Variants in CAST observed in about 807,000 individuals in gnomAD.
CAST encodes the protein MIR583 host.
In CAST, 76 loss-of-function variants were observed where a neutral mutation model predicts 119.6. That is an observed-to-expected ratio of 0.64 (90% confidence interval 0.53 to 0.77). CAST has a LOEUF of 0.77. CAST is among the 30% of genes least tolerant of loss of function. CAST has a pLI of 0.00. For missense variants in CAST, 953 were observed against 946.5 expected (o/e 1.01, Z -0.09); for synonymous variants, 319 against 331.6 (o/e 0.96, Z 0.41).
chr5:96,586,032 A>G (rs941365445), intron 1 of CAST, among the ~76,000 whole-genome samples: 4 of 152,218 alleles, frequency 2.6e-5, no homozygotes, highest in Non-Finnish European at 5.9e-5. Flanking sequence ...TTTATGTGTC[A>G]GGCTCTATTC....
chr5:96,227,281 AT>A, the CAST span, among the ~76,000 whole-genome samples: 1 of 152,178 alleles, frequency 6.6e-6, no homozygotes, highest in Admixed American at 6.5e-5. Flanking sequence ...AATTCTTTGG[AT>A]TTTTTTAAAA....
intron 1 of CAST, among the ~76,000 whole-genome samples, chr5:96,623,894 T>A (rs1747666735): frequency 6.6e-6 from 1 of 151,918 alleles, no homozygotes; most frequent in Non-Finnish European, 1.5e-5. Context: ...AGATGAGATC[T>A]TGCCATGTTG....
chr5:96,379,902 G>A, the CAST span, among the ~76,000 whole-genome samples: 2 of 152,202 alleles, frequency 1.3e-5, no homozygotes, highest in Non-Finnish European at 2.9e-5. Flanking sequence ...CTGAGTGCCA[G>A]TGCCAGGATT....
intron 1 of CAST, among the ~76,000 whole-genome samples, chr5:96,576,011 T>C (rs541259978): frequency 5.3e-5 from 8 of 152,240 alleles, no homozygotes; most frequent in East Asian, 1.9e-4. Flanking sequence ...TGGTTGATTA[T>C]ACTGATTGAT....
chr5:96,187,908 T>G, the CAST span, among the ~76,000 whole-genome samples: 3 of 152,204 alleles, frequency 2.0e-5, no homozygotes, highest in African/African-American at 7.2e-5. Context: ...TGTGGGAATC[T>G]TAGCAGCTTA....
chr5:96,252,885 T>G, the CAST span, among the ~76,000 whole-genome samples: 3 of 152,138 alleles, frequency 2.0e-5, no homozygotes, highest in African/African-American at 7.2e-5. Context: ...TAAAATTTAG[T>G]GGTAACAGAA....
the CAST span, among the ~76,000 whole-genome samples, chr5:96,293,299 A>G: frequency 6.6e-6 from 1 of 152,296 alleles, no homozygotes; most frequent in East Asian, 1.9e-4. Context: ...TTGTTTTGAG[A>G]CAGAGTTTCA....
chr5:96,584,870 C>T (rs1746831513), intron 1 of CAST: 1 of 152,324 alleles, frequency 6.6e-6, no homozygotes. Flanking sequence ...CGAAAATGCA[C>T]TGCTGGGTGA....
intron 1 of CAST, among the ~76,000 whole-genome samples, chr5:96,594,646 A>G (rs1013912316): frequency 9.9e-5 from 15 of 152,236 alleles, no homozygotes; most frequent in African/African-American, 3.1e-4. Flanking sequence ...GAATTTTCAA[A>G]TTTTAGTACT....
At chr5:96,670,141 A>G (rs1749877291) in intron 1 of CAST, among the ~76,000 whole-genome samples, 1 of 152,024 alleles carries the variant, frequency 6.6e-6, no homozygotes, top group Non-Finnish European at 1.5e-5. Flanking sequence ...ATAACCTTTT[A>G]TTGCTCCATG....
At chr5:96,071,574 G>C in the CAST span, among the ~76,000 whole-genome samples, 406 of 152,178 alleles carry the variant, frequency 2.7e-3, 1 homozygote, top group African/African-American at 8.8e-3. Flanking sequence ...CTGGCACCAG[G>C]CCTATTGTTC....
chr5:96,667,106 A>T (rs1749441198), intron 1 of CAST, among the ~76,000 whole-genome samples: 1 of 152,224 alleles, frequency 6.6e-6, no homozygotes, highest in Admixed American at 6.5e-5. Flanking sequence ...ATGCAAGAAC[A>T]GTTCCATCCA....
the CAST span, among the ~76,000 whole-genome samples, chr5:96,133,306 C>A: frequency 5.5e-5 from 8 of 146,356 alleles, no homozygotes; most frequent in Non-Finnish European, 1.2e-4. Flanking sequence ...AAAAAAAAAA[C>A]ACACACACAC....
At chr5:96,406,392 C>T in the CAST span, among the ~76,000 whole-genome samples, 1 of 152,152 alleles carries the variant, frequency 6.6e-6, no homozygotes, top group Non-Finnish European at 1.5e-5. Context: ...TATAAGTGAA[C>T]TTAGATTCTG....
chr5:96,752,100 G>T (rs1456977794), intron 20 of CAST, among the ~76,000 whole-genome samples: 1 of 152,196 alleles, frequency 6.6e-6, no homozygotes, highest in East Asian at 1.9e-4. Flanking sequence ...CCAGAGGAAG[G>T]AGATGAATGC....
the CAST span, chr5:96,393,135 G>A: frequency 1.9e-6 from 3 of 1,614,200 alleles, no homozygotes; most frequent in Non-Finnish European, 2.5e-6. Context: ...AGCTGGGAAG[G>A]TTTGTTCAGC....
the CAST span, among the ~76,000 whole-genome samples, chr5:96,036,719 A>G: frequency 1.3e-5 from 2 of 152,196 alleles, no homozygotes; most frequent in Non-Finnish European, 2.9e-5. Context: ...AATATTTAAG[A>G]CCATACAAAT....
At chr5:96,042,485 C>A in the CAST span, among the ~76,000 whole-genome samples, 1 of 152,098 alleles carries the variant, frequency 6.6e-6, no homozygotes, top group Non-Finnish European at 1.5e-5. Context: ...AATAAACTTG[C>A]AAGGAGTAAA....
At chr5:96,394,947 T>C in the CAST span, 1 of 1,614,114 alleles carries the variant, frequency 6.2e-7, no homozygotes. Context: ...GGCTGCTTCA[T>C]ATGCTCTGGC....
Sources: allele counts gnomAD v4.1 joint callset (sites outside exome capture counted in the v4.1 genomes callset), GRCh38; gene constraint gnomAD v4.1.1; transcripts MANE v1.5; gene names NCBI Gene and HGNC (gene_info 2026-07-23, HGNC 2026-07-21).